The following TALDO1 variants were observed in gnomAD, a reference collection of about 807,000 sequenced individuals.
TALDO1 encodes the protein transaldolase.
Under a neutral mutation model 38.1 loss-of-function variants are expected in TALDO1, and 29 were observed. The observed-to-expected ratio is 0.76, with a 90% CI of 0.57 to 1.04. TALDO1 has a LOEUF of 1.04. Ranked by LOEUF, TALDO1 falls within the 50% of genes least tolerant of loss-of-function variation. The pLI is 0.00. For synonymous variants in TALDO1, 207 were observed against 176.8 expected (o/e 1.17, Z -1.36); for missense variants, 499 against 438.1 (o/e 1.14, Z -1.24).
Position 760,158 on chromosome 11 carries a change from C to T in TALDO1, c.366C>T (p.Ala122=). 6.2e-7 allele frequency: 1 copy of T among 1,614,142 alleles called. No homozygotes were observed. Among genetic ancestry groups the T allele is most frequent in the African/African-American group, 1.3e-5 (1 of 75,028 alleles). ...SFDKDAMVAR[A]RRLIELYKEA... ...ATAAAGATGCGATGGTGGCCAGAGC[C>T]AGGCGGCTCATCGAGCTCTACAAGG... The change falls in exon 4 of 8, where the codon GCC becomes GCT. Residue 122 remains alanine, a synonymous_variant. Coordinates refer to ENST00000319006, the MANE Select transcript of TALDO1 (RefSeq NM_006755.2).
chr11:748,063 G>T (rs1051903556), intron 1 of TALDO1, among the ~76,000 whole-genome samples: 35 of 152,264 alleles, frequency 2.3e-4, no homozygotes, highest in Admixed American at 1.4e-3. Context: ...CATGGGTCGA[G>T]GCAGCTTTCA....
intron 6 of TALDO1, 91 bp from the exon 7 acceptor site, chr11:764,197 G>A: frequency 1.2e-6 from 2 of 1,605,644 alleles, no homozygotes; most frequent in Non-Finnish European, 1.7e-6. Flanking sequence ...GGTGGGAGAT[G>A]CTTGGGTGCA....
chr11:756,443 T>G (rs1862839828), intron 2 of TALDO1, among the ~76,000 whole-genome samples: 1 of 152,098 alleles, frequency 6.6e-6, no homozygotes, highest in African/African-American at 2.4e-5. Flanking sequence ...GTGCAAGCAA[T>G]TCTCCTGCCT....
At chr11:756,359 A>T (rs1862838012) in intron 2 of TALDO1, 1 of 278,598 alleles carries the variant, frequency 3.6e-6, no homozygotes. Flanking sequence ...TACTTTTCAG[A>T]CGGAGTCTCG....
intron 1 of TALDO1, 139 bp from the exon 2 acceptor site, chr11:755,740 T>G (rs1307845992): frequency 9.0e-6 from 11 of 1,226,274 alleles, no homozygotes; most frequent in Non-Finnish European, 1.3e-5. Flanking sequence ...GAAGAAGGTG[T>G]GAGAAGTGTG....
chr11:754,575 G>A (rs1394240325), intron 1 of TALDO1, among the ~76,000 whole-genome samples: 1 of 152,094 alleles, frequency 6.6e-6, no homozygotes, highest in African/African-American at 2.4e-5. Flanking sequence ...GGGTTCAAGC[G>A]ATTCTCTTGC....
Position 763,331 on chromosome 11 carries a change from C to A in TALDO1, c.462-13C>A. 3 of 1,566,796 alleles carry A rather than the reference C, an allele frequency of 1.9e-6. No homozygotes were observed. Among genetic ancestry groups the A allele is most frequent in the Non-Finnish European group, 2.6e-6 (3 of 1,154,202 alleles). ...CCTCACCTGCCCCGCCCTCACCTGT[C>A]CCCGCCCCGCAGGGAGCTCGAGGAG... On this transcript the variant is annotated splice_polypyrimidine_tract_variant and intron_variant, in intron 4 of 7. Coordinates refer to ENST00000319006, the MANE Select transcript of TALDO1 (RefSeq NM_006755.2).
intron 4 of TALDO1, among the ~76,000 whole-genome samples, chr11:761,317 C>G (rs1862920294): frequency 7.6e-6 from 1 of 131,930 alleles, no homozygotes; most frequent in Non-Finnish European, 1.6e-5. Flanking sequence ...GCCTGGGTGA[C>G]AGAATGAGAC....
In TALDO1 at chr11:763,344, G is replaced by A. The variant is rs764934737; in HGVS notation, c.462G>A (p.Lys154=). ...SSTWEGIQAG[K]ELEEQHGIHC... ...GCCCTCACCTGTCCCCGCCCCGCAGGGAGCTCGAGGAGCAGCACGGCATCC... is the reference window on the plus strand; with the variant it reads ...GCCCTCACCTGTCCCCGCCCCGCAGAGAGCTCGAGGAGCAGCACGGCATCC... Residue 154 remains lysine, a splice_region_variant and synonymous_variant, in exon 5 of 8, where the codon AAG becomes AAA. Coordinates refer to ENST00000319006, the MANE Select transcript of TALDO1 (RefSeq NM_006755.2). 1 of 1,593,396 alleles carries A rather than the reference G, an allele frequency of 6.3e-7. No homozygotes were observed. Among genetic ancestry groups the A allele is most frequent in the African/African-American group, 1.4e-5 (1 of 71,482 alleles).
rs180686534 is a variant in TALDO1 at position 761,407 on chromosome 11, G to A, written c.461+1154G>A. Among the ~76,000 whole-genome samples the A allele has an allele frequency of 7.2e-4, 109 of 151,792 alleles. No individual in the cohort carries two copies. In the Middle Eastern group the frequency reaches 0.014, roughly 19 times the overall value. ...TTCCAGCTACTTAGGAGGCTGAGGC[G>A]GGAGGATCGCTTGAGCCTGGGAAGT... On this transcript the variant is annotated intron_variant, in intron 4 of 7. Coordinates refer to ENST00000319006, the MANE Select transcript of TALDO1 (RefSeq NM_006755.2).
chr11:747,765 G>GGGTCAGCCGTGAGGGGAGCGGGGCCCT, intron 1 of TALDO1, among the ~76,000 whole-genome samples, 187 bp downstream of exon 1: 1 of 152,220 alleles, frequency 6.6e-6, no homozygotes, highest in African/African-American at 2.4e-5. Flanking sequence ...AGCGGGGCCC[G>GGGTCAGCCGTGAGGGGAGCGGGGCCCT]GGTCGGCCGT....
chr11:750,680 CTG>C (rs1480642310), intron 1 of TALDO1, among the ~76,000 whole-genome samples: 1 of 152,016 alleles, frequency 6.6e-6, no homozygotes, highest in Non-Finnish European at 1.5e-5. Flanking sequence ...AAAAAATTAT[CTG>C]GGCGTGGTGG....
At chr11:764,090 G>T in intron 6 of TALDO1, 146 bp downstream of exon 6, 1 of 1,338,930 alleles carries the variant, frequency 7.5e-7, no homozygotes. Flanking sequence ...CGGAGGGCTT[G>T]GCTTTCCTAA....
chr11:754,053 C>T (rs1212810338), intron 1 of TALDO1, among the ~76,000 whole-genome samples: 9 of 152,004 alleles, frequency 5.9e-5, no homozygotes, highest in African/African-American at 1.4e-4. Flanking sequence ...GGCACAATCT[C>T]GGCTCACTGC....
intron 1 of TALDO1, 74 bp from the exon 2 acceptor site, chr11:755,805 C>T: frequency 1.9e-6 from 3 of 1,610,726 alleles, no homozygotes; most frequent in Non-Finnish European, 2.5e-6. Context: ...TGGGGAATTA[C>T]AGGGTTCCTT....
chr11:750,185 C>T (rs937236921), intron 1 of TALDO1, among the ~76,000 whole-genome samples: 5 of 152,170 alleles, frequency 3.3e-5, no homozygotes, highest in East Asian at 1.9e-4. Context: ...CTGAGATCCC[C>T]GTGTCCCTCA....
intron 2 of TALDO1, among the ~76,000 whole-genome samples, chr11:757,165 C>T (rs746225727): frequency 1.8e-4 from 28 of 152,084 alleles, no homozygotes; most frequent in East Asian, 3.8e-4. Flanking sequence ...TTCCTCATCT[C>T]GTGGTGTTGC....
intron 1 of TALDO1, among the ~76,000 whole-genome samples, chr11:753,593 T>A (rs1862786366): frequency 1.3e-5 from 2 of 150,864 alleles, no homozygotes; most frequent in Non-Finnish European, 1.5e-5. Flanking sequence ...GCGTGGTGGC[T>A]CGTGCCTGTA....
chr11:759,503 A>C (rs890554070), intron 3 of TALDO1, among the ~76,000 whole-genome samples: 12 of 151,386 alleles, frequency 7.9e-5, no homozygotes, highest in African/African-American at 2.9e-4. Flanking sequence ...GTCATGATCC[A>C]CCTGCCTCGG....
Sources: gnomAD v4.1 joint callset for allele counts (sites outside exome capture counted in the v4.1 genomes callset) on GRCh38, gnomAD v4.1.1 for gene constraint, MANE v1.5 for transcripts, NCBI Gene and HGNC (gene_info 2026-07-23, HGNC 2026-07-21) for gene names.